The following ROBO1 variants were observed in gnomAD, a reference collection of about 807,000 sequenced individuals.
ROBO1 encodes roundabout guidance receptor 1.
In ROBO1, 149 loss-of-function variants were observed where a neutral mutation model predicts 195.9. The ratio of observed to expected loss-of-function variants is 0.76; its 90% CI spans 0.67 to 0.87. The LOEUF (loss-of-function observed/expected upper bound fraction) is 0.87. Ranked by LOEUF, ROBO1 falls within the 40% of genes least tolerant of loss-of-function variation. The probability of loss-of-function intolerance (pLI) is 0.00; values close to 1 mark genes in which losing one functional copy is unlikely to be tolerated. For synonymous variants in ROBO1, 816 were observed against 733.2 expected (o/e 1.11, Z -1.82); for missense variants, 1,933 against 2,068.3 (o/e 0.93, Z 1.27).
chr3:79,241,809 T>A (rs2082524350), intron 2 of ROBO1, among the ~76,000 whole-genome samples: 1 of 151,742 alleles, frequency 6.6e-6, no homozygotes, highest in African/African-American at 2.4e-5. Context: ...ATGGGGTTAT[T>A]TAAAAGTTAA....
At chr3:79,031,347 C>T (rs114198268) in intron 3 of ROBO1, among the ~76,000 whole-genome samples, 3,181 of 152,168 alleles carry the variant, frequency 0.021, 49 homozygotes, top group Non-Finnish European at 0.034. Flanking sequence ...GGAAAAAAAC[C>T]ACATGAATAA....
At chr3:78,639,642 G>A in intron 22 of ROBO1, 102 bp downstream of exon 22, 3 of 1,166,166 alleles carry the variant, frequency 2.6e-6, no homozygotes, top group Middle Eastern at 2.7e-4. Context: ...ATAAAATACG[G>A]GTCAAATTTT....
At chr3:79,255,930 AAG>A (rs1217179244) in intron 2 of ROBO1, among the ~76,000 whole-genome samples, 3 of 152,140 alleles carry the variant, frequency 2.0e-5, no homozygotes, top group Non-Finnish European at 4.4e-5. Context: ...CATGTGGAAT[AAG>A]AGAGGCAAGC....
At chr3:79,125,999 T>C (rs1452174291) in intron 2 of ROBO1, among the ~76,000 whole-genome samples, 1 of 152,146 alleles carries the variant, frequency 6.6e-6, no homozygotes, top group Non-Finnish European at 1.5e-5. Context: ...AGATTGTACC[T>C]CATATGAGGC....
At chr3:78,981,484 A>G (rs972312412) in intron 3 of ROBO1, among the ~76,000 whole-genome samples, 5 of 152,148 alleles carry the variant, frequency 3.3e-5, no homozygotes, top group Non-Finnish European at 7.4e-5. Flanking sequence ...GAAATTTACC[A>G]TCTTCATCAT....
intron 2 of ROBO1, among the ~76,000 whole-genome samples, chr3:79,389,976 A>G (rs574811390): frequency 7.9e-5 from 12 of 152,292 alleles, no homozygotes; most frequent in Non-Finnish European, 1.8e-4. Flanking sequence ...TCAGAGCACA[A>G]GTGTGGATTA....
chr3:78,947,026 G>C (rs997013726), intron 3 of ROBO1, among the ~76,000 whole-genome samples: 1 of 152,090 alleles, frequency 6.6e-6, no homozygotes, highest in South Asian at 2.1e-4. Flanking sequence ...CACAAAGCAA[G>C]ACCTTAGTGA....
chr3:78,913,659 T>C (rs1042654823), intron 4 of ROBO1, among the ~76,000 whole-genome samples: 2 of 152,150 alleles, frequency 1.3e-5, no homozygotes, highest in African/African-American at 4.8e-5. Context: ...TCTTACGGTG[T>C]TACGTGTATT....
intron 1 of ROBO1, among the ~76,000 whole-genome samples, chr3:79,756,683 T>C (rs1704424062): frequency 6.6e-6 from 1 of 152,136 alleles, no homozygotes; most frequent in Non-Finnish European, 1.5e-5. Flanking sequence ...CCTTTAACCA[T>C]TTTAAGTGTT....
At chr3:79,082,706 T>C (rs992745191) in intron 3 of ROBO1, among the ~76,000 whole-genome samples, 2 of 152,126 alleles carry the variant, frequency 1.3e-5, no homozygotes, top group African/African-American at 4.8e-5. Flanking sequence ...AGTGTCTTAC[T>C]ATGTTACCCT....
chr3:79,358,885 T>C (rs1197003046), intron 2 of ROBO1, among the ~76,000 whole-genome samples: 2 of 152,114 alleles, frequency 1.3e-5, no homozygotes, highest in African/African-American at 4.8e-5. Flanking sequence ...TGACGTATTT[T>C]ACTGTCCTGA....
chr3:79,667,636 C>G (rs1946512041), intron 1 of ROBO1, among the ~76,000 whole-genome samples: 1 of 151,538 alleles, frequency 6.6e-6, no homozygotes, highest in East Asian at 1.9e-4. Context: ...TATGTAGGCC[C>G]TATTTTATTT....
intron 2 of ROBO1, among the ~76,000 whole-genome samples, chr3:79,576,552 A>G: frequency 6.6e-6 from 1 of 152,130 alleles, no homozygotes; most frequent in East Asian, 1.9e-4. Flanking sequence ...CAAAGAAAAA[A>G]AAATCATTTC....
chr3:79,721,797 T>C (rs1367680473), intron 1 of ROBO1, among the ~76,000 whole-genome samples: 1 of 152,214 alleles, frequency 6.6e-6, no homozygotes, highest in Non-Finnish European at 1.5e-5. Context: ...TGATGAATCA[T>C]TAATATTTTC....
At chr3:79,178,358 T>C (rs1268449856) in intron 2 of ROBO1, among the ~76,000 whole-genome samples, 1 of 152,228 alleles carries the variant, frequency 6.6e-6, no homozygotes, top group Non-Finnish European at 1.5e-5. Flanking sequence ...ATTAATTGTA[T>C]ACGTTTCTAC....
At chr3:78,877,298 C>G (rs1343458506) in intron 4 of ROBO1, among the ~76,000 whole-genome samples, 1 of 151,740 alleles carries the variant, frequency 6.6e-6, no homozygotes, top group Admixed American at 6.6e-5. Context: ...CTATTGAGAA[C>G]AAGAAATTCT....
intron 1 of ROBO1, among the ~76,000 whole-genome samples, chr3:79,679,940 C>T (rs771033094): frequency 8.6e-5 from 13 of 151,934 alleles, no homozygotes; most frequent in Non-Finnish European, 1.6e-4. Context: ...ATCTGAAGCA[C>T]GTCACATGTC....
At chr3:78,893,873 T>C (rs576066056) in intron 4 of ROBO1, among the ~76,000 whole-genome samples, 5 of 152,308 alleles carry the variant, frequency 3.3e-5, no homozygotes, top group African/African-American at 1.2e-4. Flanking sequence ...TGAATTAGTA[T>C]AGGAAAGACC....
At chr3:78,903,429 A>G (rs918718985) in intron 4 of ROBO1, among the ~76,000 whole-genome samples, 2 of 151,992 alleles carry the variant, frequency 1.3e-5, no homozygotes, top group African/African-American at 4.8e-5. Flanking sequence ...AAAGCATGTG[A>G]AAAGAGGGAA....
Sources: allele counts gnomAD v4.1 joint callset (sites outside exome capture counted in the v4.1 genomes callset), GRCh38; gene constraint gnomAD v4.1.1; transcripts MANE v1.5; gene names NCBI Gene and HGNC (gene_info 2026-07-23, HGNC 2026-07-21).